Variants in PPARGC1A observed in about 807,000 individuals in gnomAD.
The protein encoded by PPARGC1A is PPARG coactivator 1 alpha.
Under a neutral mutation model 88.7 loss-of-function variants are expected in PPARGC1A, and 25 were observed. That is an observed-to-expected ratio of 0.28 (90% CI 0.21 to 0.39). PPARGC1A has a LOEUF of 0.39. Among genes scored for constraint, PPARGC1A ranks in the 10% least tolerant of loss-of-function variants. PPARGC1A has a pLI of 1.00. For synonymous variants in PPARGC1A, 363 were observed against 355.6 expected, an observed-to-expected ratio of 1.02 and a Z score of -0.24; for missense variants, 880 against 968.7, an observed-to-expected ratio of 0.91 and a Z score of 1.22.
At chr4:23,998,469 G>T in the PPARGC1A span, among the ~76,000 whole-genome samples, 1 of 151,326 alleles carries the variant, frequency 6.6e-6, no homozygotes, top group African/African-American at 2.4e-5. Flanking sequence ...ACAATTTCTT[G>T]TCTGTACAAT....
At chr4:24,274,568 A>AT in the PPARGC1A span, among the ~76,000 whole-genome samples, 1 of 152,168 alleles carries the variant, frequency 6.6e-6, no homozygotes, top group Non-Finnish European at 1.5e-5. Context: ...ATTCCATATC[A>AT]TTTTCATGTG....
At chr4:24,110,194 C>G in the PPARGC1A span, among the ~76,000 whole-genome samples, 2 of 152,158 alleles carry the variant, frequency 1.3e-5, no homozygotes, top group Non-Finnish European at 2.9e-5. Flanking sequence ...CTACCCATTT[C>G]GAGCCCAACT....
At chr4:24,341,613 G>T in the PPARGC1A span, among the ~76,000 whole-genome samples, 1 of 152,174 alleles carries the variant, frequency 6.6e-6, no homozygotes, top group African/African-American at 2.4e-5. Flanking sequence ...GGGATAAGAG[G>T]TCAGCAAGGC....
chr4:24,238,476 CA>C, the PPARGC1A span, among the ~76,000 whole-genome samples: 1 of 152,140 alleles, frequency 6.6e-6, no homozygotes, highest in African/African-American at 2.4e-5. Context: ...TGAGATCACT[CA>C]GCCTCCTCTG....
the PPARGC1A span, among the ~76,000 whole-genome samples, chr4:24,112,795 A>C: frequency 2.0e-5 from 3 of 152,164 alleles, no homozygotes. Flanking sequence ...AAATGTGCTC[A>C]TTATCAAGTG....
chr4:24,233,585 T>TACACACACACAC, the PPARGC1A span, among the ~76,000 whole-genome samples: 1 of 149,216 alleles, frequency 6.7e-6, no homozygotes, highest in African/African-American at 2.5e-5. Flanking sequence ...CACAAACACA[T>TACACACACACAC]ACACACACAC....
At chr4:24,456,352 G>A in the PPARGC1A span, among the ~76,000 whole-genome samples, 1 of 152,188 alleles carries the variant, frequency 6.6e-6, no homozygotes, top group African/African-American at 2.4e-5. Context: ...CACATTGGGT[G>A]ACCATGAATC....
chr4:24,213,971 GGA>G, the PPARGC1A span, among the ~76,000 whole-genome samples: 3 of 152,230 alleles, frequency 2.0e-5, no homozygotes, highest in Non-Finnish European at 4.4e-5. Context: ...ATACAGAGTT[GGA>G]GAGTTATGAG....
At chr4:23,915,037 G>A in the PPARGC1A span, among the ~76,000 whole-genome samples, 1 of 152,170 alleles carries the variant, frequency 6.6e-6, no homozygotes, top group East Asian at 1.9e-4. Context: ...AAGTATGGAG[G>A]TCCAAGGAAG....
chr4:23,892,380 T>C (rs1299213249), upstream of PPARGC1A, among the ~76,000 whole-genome samples: 1 of 151,900 alleles, frequency 6.6e-6, no homozygotes, highest in Non-Finnish European at 1.5e-5. Flanking sequence ...CTCAAATTTC[T>C]ATTACTGGAC....
chr4:24,122,442 G>GAGAA, the PPARGC1A span, among the ~76,000 whole-genome samples: 1 of 148,442 alleles, frequency 6.7e-6, no homozygotes, highest in Non-Finnish European at 1.5e-5. Flanking sequence ...TATATAGAGA[G>GAGAA]AGAGAGAGAG....
the PPARGC1A span, among the ~76,000 whole-genome samples, chr4:24,327,773 C>T: frequency 2.0e-5 from 3 of 152,112 alleles, no homozygotes; most frequent in Non-Finnish European, 2.9e-5. Flanking sequence ...CGCCCCAACA[C>T]TTCAACACTA....
At chr4:23,997,294 T>A in the PPARGC1A span, among the ~76,000 whole-genome samples, 1 of 152,104 alleles carries the variant, frequency 6.6e-6, no homozygotes, top group Admixed American at 6.6e-5. Context: ...CGTCTATCTA[T>A]GGACAGAATC....
chr4:24,120,070 T>C, the PPARGC1A span, among the ~76,000 whole-genome samples: 1 of 152,200 alleles, frequency 6.6e-6, no homozygotes, highest in Non-Finnish European at 1.5e-5. Context: ...GCCTGTGATG[T>C]ACAAGCAACA....
At chr4:23,978,932 A>G in the PPARGC1A span, among the ~76,000 whole-genome samples, 1 of 152,212 alleles carries the variant, frequency 6.6e-6, no homozygotes, top group Non-Finnish European at 1.5e-5. Flanking sequence ...ATCCAAACAC[A>G]TGGCTCACTG....
At chr4:24,167,129 C>A in the PPARGC1A span, among the ~76,000 whole-genome samples, 2 of 152,132 alleles carry the variant, frequency 1.3e-5, no homozygotes, top group East Asian at 3.9e-4. Flanking sequence ...ATCAAAATAT[C>A]TGCATTAACA....
the PPARGC1A span, among the ~76,000 whole-genome samples, chr4:24,178,640 G>C: frequency 1.3e-5 from 2 of 152,110 alleles, no homozygotes; most frequent in African/African-American, 4.8e-5. Context: ...AATCTAAAAT[G>C]ACCATTTATA....
At chr4:24,418,323 C>T in the PPARGC1A span, among the ~76,000 whole-genome samples, 27 of 152,230 alleles carry the variant, frequency 1.8e-4, no homozygotes, top group South Asian at 1.5e-3. Context: ...TTATTACATT[C>T]GCTACATCAA....
the PPARGC1A span, among the ~76,000 whole-genome samples, chr4:24,442,358 A>G: frequency 3.9e-5 from 6 of 152,134 alleles, no homozygotes; most frequent in South Asian, 2.1e-4. Context: ...CAGTAAGGGG[A>G]AAAAAAATCT....
Sources: gnomAD v4.1 joint callset for allele counts (sites outside exome capture counted in the v4.1 genomes callset) on GRCh38, gnomAD v4.1.1 for gene constraint, MANE v1.5 for transcripts, NCBI Gene and HGNC (gene_info 2026-07-23, HGNC 2026-07-21) for gene names.